DBX2: variants seen among roughly 807,000 people sequenced by gnomAD.
DBX2 encodes the protein developing brain homeobox 2, also known as homeobox protein DBX2.
A neutral mutation model predicts 17.7 loss-of-function variants in DBX2; 16 were observed. The ratio of observed to expected loss-of-function variants is 0.90; its 90% confidence interval spans 0.61 to 1.37. The LOEUF (loss-of-function observed/expected upper bound fraction) is 1.37. DBX2 is among the 40% of genes most tolerant of loss of function. The pLI, the probability that DBX2 is intolerant of heterozygous loss-of-function variation, is 0.00. For synonymous variants in DBX2, 255 were observed against 183.8 expected (o/e 1.39, Z -3.13); for missense variants, 538 against 433.8 (o/e 1.24, Z -2.13).
chr12:45,041,426 G>A (rs1201967881), intron 1 of DBX2, among the ~76,000 whole-genome samples: 1 of 152,076 alleles, frequency 6.6e-6, no homozygotes, highest in Non-Finnish European at 1.5e-5. Context: ...ATCTTGAATA[G>A]TTAGAACAAA....
chr12:45,036,092 C>A lies in DBX2; in HGVS notation c.426G>T (p.Leu142=), dbSNP rs1234018045. ...ACGCCGAGTAGAATGGCGGGGTGCTCAGAAGGAAAGGTTTGGAAGGTGCTG... is the reference window on the plus strand; with the variant it reads ...ACGCCGAGTAGAATGGCGGGGTGCTAAGAAGGAAAGGTTTGGAAGGTGCTG... The part of the protein sequence containing the change: ...SAPAPSKPFL[L]STPPFYSACC... Residue 142 remains leucine, a synonymous_variant, in exon 2 of 4, where the codon CTG becomes CTT. Transcript: ENST00000332700. The A allele has an allele frequency of 1.2e-6, 2 of 1,612,932 alleles. No individual in the cohort carries two copies. Among genetic ancestry groups the A allele is most frequent in the Non-Finnish European group, 1.7e-6 (2 of 1,179,638 alleles).
chr12:45,020,981 T>C lies in DBX2; in HGVS notation c.687+2726A>G, dbSNP rs1051417735. On this transcript the variant is annotated intron_variant, in intron 3 of 3. Coordinates refer to ENST00000332700, the MANE Select transcript of DBX2 (RefSeq NM_001004329.3). ...TAAGATGAGTTTTCACTTTTATCTT[T>C]ACAGGTTTCCTTTTCAATTGAATTT... is the stretch of plus-strand genomic sequence containing the variant. Among the ~76,000 whole-genome samples the C allele has an allele frequency of 2.0e-5, 3 of 152,240 alleles. No individual in the cohort carries two copies. In the East Asian group the frequency reaches 5.8e-4, roughly 29 times the overall value.
rs1946321553 is a variant in DBX2, at chr12:45,016,102, C to A, written c.*184G>T. 3.8e-6 allele frequency: 2 copies of A among 529,410 alleles called. No individual in the cohort carries two copies. Among genetic ancestry groups the A allele is most frequent in the Non-Finnish European group, 6.1e-6 (2 of 325,228 alleles). 32.8% of individuals were successfully genotyped at this position (529,410 alleles called of 1,614,324 possible). A position where few individuals can be genotyped will look rare whatever the true frequency, so the allele number is the denominator to read the frequency against. On this transcript the variant is annotated 3_prime_UTR_variant, in exon 4 of 4. Transcript: ENST00000332700. ...TTGCTGGGAGATTCTATTCCACTTA[C>A]AAATTAAGCCTGAGTCTAGGGCCAA...
At position 45,019,441 on chromosome 12, in the gene DBX2, T is replaced by A. The variant is rs750195513; in HGVS notation, c.688-2823A>T. ...AGCATTGCCCATGAGAGTGGCAACA[T>A]TTTTAAAATCATAAATGGTGGAGCT... On this transcript the variant is annotated intron_variant, in intron 3 of 3. Coordinates refer to ENST00000332700, the MANE Select transcript of DBX2 (RefSeq NM_001004329.3). 3.3e-5 allele frequency among the ~76,000 whole-genome samples: 5 copies of A among 152,044 alleles called. No homozygotes were observed. The South Asian group carries it at 1.0e-3, about 31-fold the overall frequency.
chr12:45,039,835 T>C (rs1352845909), intron 1 of DBX2, among the ~76,000 whole-genome samples: 1 of 151,808 alleles, frequency 6.6e-6, no homozygotes, highest in Non-Finnish European at 1.5e-5. Context: ...CAGTAAGAGC[T>C]AGACCCTGGA....
intron 3 of DBX2, 69 bp from the exon 4 acceptor site, chr12:45,016,687 T>C: frequency 2.8e-6 from 4 of 1,438,826 alleles, no homozygotes; most frequent in East Asian, 2.4e-5. Flanking sequence ...TTTTAAACTG[T>C]AATTGCTTCT....
At position 45,050,546 on chromosome 12, in the gene DBX2, TAC is replaced by T; in HGVS notation, c.380_381del (p.Cys127TyrfsTer53). ...TCACCTGGCGCTGAAGGCTGGAAGG[TAC>T]AGTCTCGGTCCCCCGGAGCCCGGCC... The part of the protein sequence containing the change: ...LPGRAPGDRD[C>X]TFQPSAPAPS... On this transcript the variant is annotated frameshift_variant, in exon 1 of 4. Transcript: ENST00000332700. LOFTEE classifies it high-confidence loss of function. The T allele has an allele frequency of 1.3e-6, 2 of 1,551,288 alleles. No homozygotes were observed. The highest frequency in any genetic ancestry group is 1.7e-6 in the Non-Finnish European group (2 of 1,148,838).
intron 1 of DBX2, among the ~76,000 whole-genome samples, chr12:45,043,110 C>T (rs1565586276): frequency 6.6e-6 from 1 of 152,162 alleles, no homozygotes; most frequent in Non-Finnish European, 1.5e-5. Flanking sequence ...TTGGTCTACT[C>T]CAGCAGAAGA....
chr12:45,035,928 C>A, intron 2 of DBX2, 91 bp downstream of exon 2: 1 of 1,203,620 alleles, frequency 8.3e-7, no homozygotes. Flanking sequence ...CTTGCCATTG[C>A]ATTACCAATT....
intron 2 of DBX2, among the ~76,000 whole-genome samples, chr12:45,032,627 C>CAAG: frequency 6.6e-6 from 1 of 152,134 alleles, no homozygotes; most frequent in African/African-American, 2.4e-5. Context: ...TAAGTTTTAA[C>CAAG]AAGAAGAAGA....
chr12:45,038,316 T>C (rs1946451089), intron 1 of DBX2, among the ~76,000 whole-genome samples: 1 of 129,146 alleles, frequency 7.7e-6, no homozygotes, highest in African/African-American at 2.5e-5. Flanking sequence ...TGTTGTCTTT[T>C]GAGGTAAAAG....
chr12:45,029,726 G>C (rs572796065), intron 2 of DBX2, among the ~76,000 whole-genome samples: 5 of 151,998 alleles, frequency 3.3e-5, no homozygotes, highest in African/African-American at 1.2e-4. Context: ...AGCCAGGTGT[G>C]GCGGTGCGTG....
intron 1 of DBX2, among the ~76,000 whole-genome samples, chr12:45,048,315 C>T (rs1565587865): frequency 6.6e-6 from 1 of 152,122 alleles, no homozygotes; most frequent in South Asian, 2.1e-4. Flanking sequence ...TTACTAAAAT[C>T]AGATTTTGTG....
At chr12:45,041,954 T>C (rs577521808) in intron 1 of DBX2, among the ~76,000 whole-genome samples, 1 of 152,294 alleles carries the variant, frequency 6.6e-6, no homozygotes, top group South Asian at 2.1e-4. Flanking sequence ...GGAGATGCAA[T>C]CTAACAAAAT....
chr12:45,046,004 A>C lies in DBX2; in HGVS notation c.403+4521T>G, dbSNP rs193001013. Among the ~76,000 whole-genome samples, 346 of 152,296 alleles carry C rather than the reference A, an allele frequency of 2.3e-3. 1 individual carries two copies. The highest frequency in any genetic ancestry group is 7.3e-3 in the African/African-American group (303 of 41,572). ...TAAAACCTTCTTATTTGCCTGCTCC[A>C]TGTACTCCTGTTTTATTATTAAACC... On this transcript the variant is annotated intron_variant, in intron 1 of 3. Transcript: ENST00000332700.
At chr12:45,044,027 A>C (rs188082295) in intron 1 of DBX2, among the ~76,000 whole-genome samples, 42 of 152,352 alleles carry the variant, frequency 2.8e-4, no homozygotes, top group Admixed American at 2.7e-3. Context: ...AGAGAGCTAT[A>C]GGTAGTTTTA....
rs146946980 is a variant in DBX2 at position 45,049,969 on chromosome 12, A to C, written c.403+556T>G. ...TTTCTTTGCGCCTAAAGTGATCCAA[A>C]ATTTAAGAGTGGAGAAAGCCAGAAC... On this transcript the variant is annotated intron_variant, in intron 1 of 3. Coordinates refer to ENST00000332700, the MANE Select transcript of DBX2 (RefSeq NM_001004329.3). 5.2e-3 allele frequency among the ~76,000 whole-genome samples: 784 copies of C among 152,178 alleles called. 10 individuals are homozygous for C. Among genetic ancestry groups the C allele is most frequent in the African/African-American group, 0.017 (686 of 41,540 alleles).
At chr12:45,035,265 CAACTGA>C (rs1946433857) in intron 2 of DBX2, among the ~76,000 whole-genome samples, 1 of 152,212 alleles carries the variant, frequency 6.6e-6, no homozygotes, top group African/African-American at 2.4e-5. Flanking sequence ...TTCTCTTGGG[CAACTGA>C]AAGAAATGCA....
At position 45,039,621 on chromosome 12, in the gene DBX2, T is replaced by C. The variant is rs560042201; in HGVS notation, c.404-3507A>G. Among the ~76,000 whole-genome samples the C allele has an allele frequency of 4.6e-5, 7 of 152,134 alleles. No homozygotes were observed. The East Asian group carries it at 1.4e-3, about 29-fold the overall frequency. On this transcript the variant is annotated intron_variant, in intron 1 of 3. Coordinates refer to ENST00000332700, the MANE Select transcript of DBX2 (RefSeq NM_001004329.3). ...GATAATATTTAAGGAGTGCTTACTA[T>C]ATATCAGGCACTGGACTAGCTACAA...
Sources: gnomAD v4.1 joint callset for allele counts (sites outside exome capture counted in the v4.1 genomes callset) on GRCh38, gnomAD v4.1.1 for gene constraint, MANE v1.5 for transcripts, NCBI Gene and HGNC (gene_info 2026-07-23, HGNC 2026-07-21) for gene names.